Variants in DENND11 observed in about 807,000 individuals in gnomAD.
The protein encoded by DENND11 is DENN domain containing 11.
A neutral mutation model predicts 49.2 loss-of-function variants in DENND11; 34 were observed. The ratio of observed to expected loss-of-function variants is 0.69; its 90% CI spans 0.53 to 0.92. DENND11 has a LOEUF of 0.92. Among genes scored for constraint, DENND11 ranks in the 40% least tolerant of loss-of-function variants. DENND11 has a pLI of 0.00. For missense variants in DENND11, 475 were observed against 581.6 expected, an observed-to-expected ratio of 0.82 and a Z score of 1.88; for synonymous variants, 238 against 230.3, an observed-to-expected ratio of 1.03 and a Z score of -0.30.
intron 5 of DENND11, 39 bp from the exon 6 acceptor site, chr7:141,665,357 C>T (rs539887633): frequency 2.3e-5 from 37 of 1,611,356 alleles, no homozygotes; most frequent in Non-Finnish European, 3.0e-5. Flanking sequence ...GGGTCTGCCC[C>T]TCCACAGCCC....
intron 3 of DENND11, among the ~76,000 whole-genome samples, chr7:141,682,249 G>C (rs1041596593): frequency 6.6e-6 from 1 of 152,200 alleles, no homozygotes; most frequent in Non-Finnish European, 1.5e-5. Context: ...TCTCCTTTGG[G>C]GTGGGAGGAA....
chr7:141,675,897 A>C (rs1451303547), intron 3 of DENND11, among the ~76,000 whole-genome samples: 1 of 152,174 alleles, frequency 6.6e-6, no homozygotes, highest in African/African-American at 2.4e-5. Flanking sequence ...AGGTAGTCCT[A>C]CTATAACAAA....
rs183234755 is a variant in DENND11 at position 141,656,840 on chromosome 7, T to G, written c.*5816A>C. On this transcript the variant is annotated 3_prime_UTR_variant, in exon 9 of 9. Coordinates refer to ENST00000536163, the MANE Select transcript of DENND11 (RefSeq NM_001080392.2). ...TATATACAGATATGATATTCATAGATGTTATTTGTACCACAGAACAAAATC... is the reference window on the plus strand; with the variant it reads ...TATATACAGATATGATATTCATAGAGGTTATTTGTACCACAGAACAAAATC... 6.5e-6 allele frequency: 1 copy of G among 152,972 alleles called. No individual in the cohort carries two copies. The highest frequency in any genetic ancestry group is 1.5e-5 in the Non-Finnish European group (1 of 68,110). The allele number at this position is 152,972 out of a possible 1,614,324, so 9.5% of individuals were successfully genotyped here.
rs573539248 is a variant in DENND11, at chr7:141,692,143, CACT to C, written c.269-5488_269-5486del. The stretch of plus-strand genomic sequence containing the variant: ...TGTATATAGTCAGTTCTACTTTTAT[CACT>C]TACTGGATTTGTGTCAATGCAACAG... On this transcript the variant is annotated intron_variant, in intron 1 of 8. Transcript: ENST00000536163. 1.1e-4 allele frequency among the ~76,000 whole-genome samples: 16 copies of C among 152,290 alleles called. No individual in the cohort carries two copies. The South Asian group carries it at 3.3e-3, about 32-fold the overall frequency.
intron 4 of DENND11, 107 bp downstream of exon 4, chr7:141,673,960 T>C (rs940600502): frequency 3.0e-6 from 4 of 1,336,198 alleles, no homozygotes; most frequent in African/African-American, 3.0e-5. Context: ...AGTAGACATT[T>C]TGTATGATCC....
chr7:141,701,005 C>G (rs1436341546), intron 1 of DENND11, among the ~76,000 whole-genome samples: 1 of 152,084 alleles, frequency 6.6e-6, no homozygotes, highest in Non-Finnish European at 1.5e-5. Context: ...CTCCTTCCCC[C>G]AACCCCGAAC....
intron 1 of DENND11, among the ~76,000 whole-genome samples, chr7:141,687,519 A>C (rs988714546): frequency 6.6e-6 from 1 of 151,054 alleles, no homozygotes; most frequent in African/African-American, 2.4e-5. Context: ...GCTGGAGTGC[A>C]GTGGCACAAT....
At position 141,659,017 on chromosome 7, in the gene DENND11, T is replaced by G. The variant is rs1488798629; in HGVS notation, c.*3639A>C. On this transcript the variant is annotated 3_prime_UTR_variant, in exon 9 of 9. Coordinates refer to ENST00000536163, the MANE Select transcript of DENND11 (RefSeq NM_001080392.2). ...TAAAGTGTCATCGGTAGTCACATGA[T>G]CAACAAATGTTCACATGTGGCATCT... 1 of 152,514 alleles carries G rather than the reference T, an allele frequency of 6.6e-6. No individual in the cohort carries two copies. The highest frequency in any genetic ancestry group is 6.5e-5 in the Admixed American group (1 of 15,288). The allele number at this position is 152,514 out of a possible 1,614,324, so 9.4% of individuals were successfully genotyped here.
At position 141,695,981 on chromosome 7, in the gene DENND11, G is replaced by C. The variant is rs1303850021; in HGVS notation, c.268+5905C>G. Among the ~76,000 whole-genome samples the C allele has an allele frequency of 3.3e-5, 5 of 152,348 alleles. No homozygotes were observed. The East Asian group carries it at 9.6e-4, about 29-fold the overall frequency. On this transcript the variant is annotated intron_variant, in intron 1 of 8. Transcript: ENST00000536163. The stretch of plus-strand genomic sequence containing the variant: ...TGGTGGAGCACAACTTGGCAGCACG[G>C]TGCCTGCCAGGTGCTGAGCTCATGC...
intron 1 of DENND11, among the ~76,000 whole-genome samples, chr7:141,690,422 A>G (rs1218712757): frequency 1.3e-5 from 2 of 151,842 alleles, no homozygotes; most frequent in Non-Finnish European, 1.5e-5. Flanking sequence ...TCAGAAGTTT[A>G]CTCTCTTCCT....
chr7:141,701,422 C>CGAGCGGG (rs1314359050), intron 1 of DENND11: 2 of 18,824 alleles, frequency 1.1e-4, no homozygotes, highest in Non-Finnish European at 2.1e-4. Flanking sequence ...GGGTGGGGGG[C>CGAGCGGG]GAGCGGGGAG....
Position 141,661,498 on chromosome 7 carries a change from T to C in DENND11, c.*1158A>G, listed in dbSNP as rs1235419489. 1 of 152,236 alleles carries C rather than the reference T, an allele frequency of 6.6e-6. No individual in the cohort carries two copies. Among genetic ancestry groups the C allele is most frequent in the Non-Finnish European group, 1.5e-5 (1 of 68,088 alleles). The allele number at this position is 152,236 out of a possible 1,614,324, so 9.4% of individuals were successfully genotyped here. A position where few individuals can be genotyped will look rare whatever the true frequency, so the allele number is the denominator to read the frequency against. ...GTCCCGGGTGAAGGCACTGCCACAT[T>C]TTCTCTCAACAAATCTGTTATGTCC... On this transcript the variant is annotated 3_prime_UTR_variant, in exon 9 of 9. Transcript: ENST00000536163.
In DENND11 at chr7:141,677,521, G is replaced by GTATA. The variant is rs71522151; in HGVS notation, c.528-3305_528-3302dup. On this transcript the variant is annotated intron_variant, in intron 3 of 8. Transcript: ENST00000536163. The stretch of plus-strand genomic sequence containing the variant: ...TGTGTGTGTATATATATATATATAT[G>GTATA]TATATATATATATATATCTGTCTGA... Among the ~76,000 whole-genome samples, 644 of 132,510 alleles carry GTATA rather than the reference G, an allele frequency of 4.9e-3. 3 individuals carry two copies. Among genetic ancestry groups the GTATA allele is most frequent in the African/African-American group, 0.012 (406 of 34,842 alleles). The allele number at this position is 132,510 out of a possible 152,430, so 86.9% of individuals were successfully genotyped here. A position where few individuals can be genotyped will look rare whatever the true frequency, so the allele number is the denominator to read the frequency against.
chr7:141,685,063 T>G (rs943717520), intron 3 of DENND11, among the ~76,000 whole-genome samples: 3 of 143,098 alleles, frequency 2.1e-5, no homozygotes, highest in African/African-American at 7.6e-5. Context: ...TATATATTTT[T>G]AAGTTCTCTT....
intron 4 of DENND11, among the ~76,000 whole-genome samples, chr7:141,668,052 C>T (rs1797922166): frequency 1.3e-5 from 2 of 152,218 alleles, no homozygotes; most frequent in Admixed American, 1.3e-4. Context: ...CGGTTCCTCC[C>T]AGCTTTCCCA....
At chr7:141,686,802 C>T (rs929059985) in intron 1 of DENND11, 144 bp from the exon 2 acceptor site, 7 of 625,414 alleles carry the variant, frequency 1.1e-5, no homozygotes, top group Admixed American at 2.8e-5. Context: ...CAGAGCTCAG[C>T]CCCTCCATCA....
chr7:141,688,770 C>G (rs1028206460), intron 1 of DENND11, among the ~76,000 whole-genome samples: 1 of 152,174 alleles, frequency 6.6e-6, no homozygotes, highest in African/African-American at 2.4e-5. Context: ...AGGGGCTACC[C>G]TAGGTCTATA....
intron 1 of DENND11, among the ~76,000 whole-genome samples, chr7:141,690,617 C>T (rs1005796396): frequency 6.6e-6 from 1 of 152,228 alleles, no homozygotes; most frequent in African/African-American, 2.4e-5. Context: ...CACATTTCTA[C>T]TGACTACATC....
chr7:141,698,597 G>A (rs904732629), intron 1 of DENND11, among the ~76,000 whole-genome samples: 1 of 152,126 alleles, frequency 6.6e-6, no homozygotes, highest in Non-Finnish European at 1.5e-5. Context: ...ATGGAAATAA[G>A]CTTTAAGACT....
Sources: allele counts gnomAD v4.1 joint callset (sites outside exome capture counted in the v4.1 genomes callset), GRCh38; gene constraint gnomAD v4.1.1; transcripts MANE v1.5; gene names NCBI Gene and HGNC (gene_info 2026-07-23, HGNC 2026-07-21).